TANC2: variants seen among roughly 807,000 people sequenced by gnomAD.
TANC2 encodes the protein tetratricopeptide repeat, ankyrin repeat and coiled-coil containing 2.
Under a neutral mutation model 210.5 loss-of-function variants are expected in TANC2, and 26 were observed. The ratio of observed to expected loss-of-function variants is 0.12; its 90% CI spans 0.09 to 0.17. TANC2 has a LOEUF of 0.17. Ranked by LOEUF, TANC2 falls within the 10% of genes least tolerant of loss-of-function variation. TANC2 has a pLI of 1.00. For missense variants in TANC2, 2,129 were observed against 2,608.9 expected (o/e 0.82, Z 4.01); for synonymous variants, 931 against 967.1 (o/e 0.96, Z 0.69).
intron 8 of TANC2, among the ~76,000 whole-genome samples, chr17:63,246,993 T>C (rs2042936714): frequency 6.6e-6 from 1 of 152,202 alleles, no homozygotes. Context: ...TTAGCTGGTG[T>C]GAAATGATAT....
chr17:63,381,917 A>G (rs912035283), intron 15 of TANC2, among the ~76,000 whole-genome samples: 9 of 152,340 alleles, frequency 5.9e-5, no homozygotes, highest in Admixed American at 3.3e-4. Flanking sequence ...CAGATACTGA[A>G]GAGGCACTTT....
chr17:63,195,989 T>C (rs935616914), intron 6 of TANC2, among the ~76,000 whole-genome samples: 1 of 152,190 alleles, frequency 6.6e-6, no homozygotes. Context: ...TCTTCCCCCA[T>C]AACTCACTTC....
rs1408045340 is a variant in TANC2, at chr17:63,163,570, A to G, written c.433+12190A>G. ...AGAAAGTAACTTACTATATACTATT[A>G]TACATCTCTAATCTTTACCACTACC... is the stretch of plus-strand genomic sequence containing the variant. On this transcript the variant is annotated intron_variant, in intron 5 of 27. Coordinates refer to ENST00000689528, the Ensembl canonical transcript of TANC2. 5.3e-5 allele frequency among the ~76,000 whole-genome samples: 8 copies of G among 152,204 alleles called. 1 individual carries two copies. Among genetic ancestry groups the G allele is most frequent in the African/African-American group, 1.9e-4 (8 of 41,460 alleles).
rs2048927971 is a variant in TANC2, at chr17:63,418,348, G to C, written c.4209G>C (p.Glu1403Asp). The change falls in exon 27 of 28, where the codon GAG becomes GAC. Residue 1403 changes from glutamate to aspartate, a missense_variant. This residue lies in a region of TANC2 where 644 missense variants were observed against 937.5 expected (regional missense o/e 0.69). Transcript: ENST00000689528. This position sits in a 1 kb window ranked among gnomAD's most constrained non-coding sequence, Gnocchi z 4.6. ...AGGAATTTGCTACTAAGGCCCTGGA[G>C]CTGAAACCGAAATCTTATGAAGCTT... 1.2e-6 allele frequency: 2 copies of C among 1,613,464 alleles called. No homozygotes were observed. The highest frequency in any genetic ancestry group is 1.7e-6 in the Non-Finnish European group (2 of 1,179,730).
intron 8 of TANC2, among the ~76,000 whole-genome samples, chr17:63,243,648 A>G (rs951813271): frequency 2.6e-4 from 39 of 152,240 alleles, no homozygotes; most frequent in African/African-American, 8.7e-4. Flanking sequence ...CACTTCTATA[A>G]TTATAGAACT....
intron 11 of TANC2, among the ~76,000 whole-genome samples, chr17:63,334,970 T>G (rs185932077): frequency 2.0e-5 from 3 of 151,516 alleles, no homozygotes; most frequent in Non-Finnish European, 2.9e-5. Context: ...GTTGGGGAGG[T>G]GCTACACACT....
rs971131438 is a variant in TANC2 at position 63,057,586 on chromosome 17, C to A, written c.68-16357C>A. Among the ~76,000 whole-genome samples, 14 of 152,184 alleles carry A rather than the reference C, an allele frequency of 9.2e-5. No individual in the cohort carries two copies. In the East Asian group the frequency reaches 2.7e-3, roughly 29 times the overall value. On this transcript the variant is annotated intron_variant, in intron 2 of 27. Transcript: ENST00000689528. Reference sequence around the variant, plus strand: ...TTTTCGATCCTCTCTCTGCTCTCTCCCTTCACCCTTAAGTAGGCCCCAGTG... The same window carrying A: ...TTTTCGATCCTCTCTCTGCTCTCTCACTTCACCCTTAAGTAGGCCCCAGTG...
chr17:63,060,525 G>A (rs1261087600), intron 2 of TANC2, among the ~76,000 whole-genome samples: 1 of 152,138 alleles, frequency 6.6e-6, no homozygotes, highest in Non-Finnish European at 1.5e-5. Flanking sequence ...GGAGGCTGAG[G>A]CAGGAGAATC....
rs116815204 is a variant in TANC2, at chr17:63,408,407, G to A, written c.3589+2130G>A. Among the ~76,000 whole-genome samples, 835 of 152,316 alleles carry A rather than the reference G, an allele frequency of 5.5e-3. 7 individuals are homozygous for A. The highest frequency in any genetic ancestry group is 0.018 in the African/African-American group (743 of 41,580). ...TTAACATATTATGGATTTGTTTCAT[G>A]TGTATCTCCTTTTAATTTCTTCTCT... On this transcript the variant is annotated intron_variant, in intron 21 of 27. Transcript: ENST00000689528.
chr17:63,066,123 T>A (rs1367097316), intron 2 of TANC2, among the ~76,000 whole-genome samples: 1 of 152,172 alleles, frequency 6.6e-6, no homozygotes, highest in African/African-American at 2.4e-5. Context: ...CTGGGTCAGC[T>A]GGAGCCTTGG....
At chr17:63,289,870 G>A (rs1444489058) in intron 9 of TANC2, among the ~76,000 whole-genome samples, 2 of 152,132 alleles carry the variant, frequency 1.3e-5, no homozygotes, top group South Asian at 4.1e-4. Context: ...TCAGTAAGTA[G>A]GTCTCAGTTT....
At chr17:63,079,571 A>G (rs1045267121) in intron 3 of TANC2, among the ~76,000 whole-genome samples, 4 of 152,240 alleles carry the variant, frequency 2.6e-5, no homozygotes, top group Non-Finnish European at 2.9e-5. Context: ...ATTAGTATGC[A>G]TGAACATCAA....
intron 1 of TANC2, among the ~76,000 whole-genome samples, chr17:62,996,835 T>C (rs113705890): frequency 6.7e-6 from 1 of 150,088 alleles, no homozygotes; most frequent in Non-Finnish European, 1.5e-5. Context: ...TTTTTTGAGA[T>C]GGAGTTCCGC....
At chr17:63,038,319 T>C (rs1450145249) in intron 2 of TANC2, among the ~76,000 whole-genome samples, 1 of 152,210 alleles carries the variant, frequency 6.6e-6, no homozygotes, top group Admixed American at 6.5e-5. Context: ...GTAGATTGCA[T>C]TGAATGATTT....
At chr17:62,991,853 C>T (rs2032887206) in intron 1 of TANC2, among the ~76,000 whole-genome samples, 1 of 152,036 alleles carries the variant, frequency 6.6e-6, no homozygotes, top group South Asian at 2.1e-4. Flanking sequence ...TGATTTTCAT[C>T]TCATTTATTG....
rs182745191 is a variant in TANC2, at chr17:63,119,032, C to G, written c.322+19675C>G. On this transcript the variant is annotated intron_variant, in intron 4 of 27. Transcript: ENST00000689528. ...CTCCTGACCCCGTGATCCGCCCACC[C>G]CAGCCTCCCAAAGTGCTGGGATTAC... is the stretch of plus-strand genomic sequence containing the variant. 7.2e-5 allele frequency among the ~76,000 whole-genome samples: 11 copies of G among 152,102 alleles called. No individual in the cohort carries two copies. In the East Asian group the frequency reaches 1.4e-3, roughly 19 times the overall value.
chr17:63,080,224 G>A (rs900933788), intron 3 of TANC2, among the ~76,000 whole-genome samples: 5 of 152,114 alleles, frequency 3.3e-5, no homozygotes, highest in Admixed American at 6.6e-5. Context: ...CTGTATTTCA[G>A]AAATCTTGAG....
chr17:63,267,637 A>G (rs925315266), intron 8 of TANC2, 111 bp from the exon 9 acceptor site: 3 of 952,048 alleles, frequency 3.2e-6, no homozygotes, highest in Non-Finnish European at 4.5e-6. Flanking sequence ...TATTTTGCAT[A>G]TATATTTTTT....
At chr17:63,108,527 A>T (rs759236793) in intron 4 of TANC2, among the ~76,000 whole-genome samples, 23 of 151,842 alleles carry the variant, frequency 1.5e-4, no homozygotes, top group Non-Finnish European at 3.4e-4. Context: ...AAAGTTGATT[A>T]TAGGCCAGAC....
Sources: allele counts gnomAD v4.1 joint callset (sites outside exome capture counted in the v4.1 genomes callset), GRCh38; gene constraint gnomAD v4.1.1; regional missense constraint gnomAD v4.1.1; non-coding constraint Gnocchi (gnomAD v3.1); transcripts MANE v1.5; gene names NCBI Gene and HGNC (gene_info 2026-07-23, HGNC 2026-07-21).